DUSP14: variants seen among roughly 807,000 people sequenced by gnomAD.
The protein encoded by DUSP14 is dual specificity protein phosphatase 14.
A neutral mutation model predicts 13.2 loss-of-function variants in DUSP14; 5 were observed. The observed-to-expected ratio is 0.38, with a 90% CI of 0.20 to 0.80. The LOEUF (loss-of-function observed/expected upper bound fraction) is 0.80. Ranked by LOEUF, DUSP14 falls within the 30% of genes least tolerant of loss-of-function variation. DUSP14 has a pLI of 0.44. For missense variants in DUSP14, 185 were observed against 264.0 expected (o/e 0.70, Z 2.07); for synonymous variants, 91 against 103.4 (o/e 0.88, Z 0.73).
rs530063500 is a variant in DUSP14 at position 37,500,940 on chromosome 17, C to T, written c.-180-9737C>T. Among the ~76,000 whole-genome samples the T allele has an allele frequency of 6.3e-3, 966 of 152,164 alleles. 14 individuals carry two copies. The highest frequency in any genetic ancestry group is 0.022 in the African/African-American group (934 of 41,538). ...TTCTTGCTGCAGTTTCCCGCCCCCT[C>T]CCCGCCCCAGCCAGTGAAATGTACA... On this transcript the variant is annotated intron_variant, in intron 1 of 2. Transcript: ENST00000617516.
At chr17:37,500,603 C>G (rs2054098353) in intron 1 of DUSP14, among the ~76,000 whole-genome samples, 1 of 152,062 alleles carries the variant, frequency 6.6e-6, no homozygotes, top group African/African-American at 2.4e-5. Context: ...AGCACTTTGC[C>G]TCTAGATGTT....
Position 37,489,931 on chromosome 17 carries a change from G to C in DUSP14, c.-208G>C, listed in dbSNP as rs1166691200. 1.3e-5 allele frequency: 1 copy of C among 74,540 alleles called. No individual in the cohort carries two copies. The highest frequency in any genetic ancestry group is 6.1e-5 in the African/African-American group (1 of 16,296). 4.6% of individuals were successfully genotyped at this position (74,540 alleles called of 1,614,324 possible). A position where few individuals can be genotyped will look rare whatever the true frequency, so the allele number is the denominator to read the frequency against. On this transcript the variant is annotated 5_prime_UTR_variant, in exon 1 of 3. Coordinates refer to ENST00000617516, the MANE Select transcript of DUSP14 (RefSeq NM_007026.4). ...CGCGCAGGAGGACGGAGCCCTAACC[G>C]CAACCCGCTCCGCGCCGCGCCGCGC...
In DUSP14 at chr17:37,512,266, C is replaced by A. The variant is rs544160670; in HGVS notation, c.-7C>A. On this transcript the variant is annotated 5_prime_UTR_variant, in exon 3 of 3. Transcript: ENST00000617516. The surrounding 1 kb of genome is among the most constrained non-coding windows in gnomAD (Gnocchi z 4.8). ...CCAACGATGCAAGTGTGACTGCTGGCGTCTTCATGAGCTCCAGAGGTCACA... is the reference window on the plus strand; with the variant it reads ...CCAACGATGCAAGTGTGACTGCTGGAGTCTTCATGAGCTCCAGAGGTCACA... The A allele has an allele frequency of 6.3e-7, 1 of 1,584,110 alleles. No homozygotes were observed. Among genetic ancestry groups the A allele is most frequent in the Non-Finnish European group, 8.6e-7 (1 of 1,161,696 alleles).
At chr17:37,511,937 A>AGTTTTTTGTTTTTTTTTTTTTTTT (rs1329764853) in intron 2 of DUSP14, among the ~76,000 whole-genome samples, 2 of 16,442 alleles carry the variant, frequency 1.2e-4, no homozygotes, top group Non-Finnish European at 2.3e-4. Context: ...CCCCCACCCC[A>AGTTTTTTGTTTTTTTTTTTTTTTT]CTTTTTTTTT....
In DUSP14 at chr17:37,512,828, G is replaced by A. The variant is rs1568206718; in HGVS notation, c.556G>A (p.Glu186Lys). ...TPYGIVPDVY[E>K]KESRHLMPYW... ...TTATGGCATAGTTCCCGACGTCTAT[G>A]AGAAGGAGTCCCGACACCTGATGCC... Residue 186 changes from glutamate to lysine, a missense_variant, in exon 3 of 3, where the codon GAG (glutamate) becomes AAG (lysine). Transcript: ENST00000617516. This position sits in a 1 kb window ranked among gnomAD's most constrained non-coding sequence, Gnocchi z 4.8. 1 of 1,610,754 alleles carries A rather than the reference G, an allele frequency of 6.2e-7. No individual in the cohort carries two copies. Among genetic ancestry groups the A allele is most frequent in the Admixed American group, 1.7e-5 (1 of 59,974 alleles).
chr17:37,511,307 G>A (rs1022458901), intron 2 of DUSP14, among the ~76,000 whole-genome samples: 1 of 152,122 alleles, frequency 6.6e-6, no homozygotes, highest in African/African-American at 2.4e-5. Flanking sequence ...TTTGTTTTGA[G>A]ACAGAGTCTG....
chr17:37,512,643 C>G lies in DUSP14; in HGVS notation c.371C>G (p.Ala124Gly). Reference sequence around the variant, plus strand: ...AGCCGCTCAGCCACGCTGTGTATCGCGTACCTGATGAAATTCCACAACGTG... The same window carrying G: ...AGCCGCTCAGCCACGCTGTGTATCGGGTACCTGATGAAATTCCACAACGTG... ...GVSRSATLCI[A>G]YLMKFHNVCL... The change falls in exon 3 of 3, where the codon GCG (alanine) becomes GGG (glycine). Residue 124 changes from alanine to glycine, a missense_variant. Physicochemically the swap from Ala to Gly is moderately conservative, Grantham distance 60. Transcript: ENST00000617516. The surrounding 1 kb of genome is among the most constrained non-coding windows in gnomAD (Gnocchi z 4.8). 1.2e-6 allele frequency: 2 copies of G among 1,613,598 alleles called. No homozygotes were observed. Among genetic ancestry groups the G allele is most frequent in the South Asian group, 1.1e-5 (1 of 91,082 alleles).
At chr17:37,504,723 G>A (rs76016758) in intron 1 of DUSP14, among the ~76,000 whole-genome samples, 201 of 152,092 alleles carry the variant, frequency 1.3e-3, no homozygotes, top group East Asian at 7.7e-3. Flanking sequence ...GATTATAGGC[G>A]CATGAAACCA....
chr17:37,490,252 C>T (rs1443532247), intron 1 of DUSP14, among the ~76,000 whole-genome samples: 1 of 152,034 alleles, frequency 6.6e-6, no homozygotes, highest in East Asian at 1.9e-4. Flanking sequence ...GACCCTGTCC[C>T]TGTGCCCCGG....
At position 37,512,117 on chromosome 17, in the gene DUSP14, T is replaced by C. The variant is rs1485154721; in HGVS notation, c.-92-64T>C. ...CCCTCTAATCTTCCCATTTGACAAA[T>C]GTGACAGAAGGCTGTGATGAATCAG... On this transcript the variant is annotated intron_variant, in intron 2 of 2. Transcript: ENST00000617516. The surrounding 1 kb of genome is among the most constrained non-coding windows in gnomAD (Gnocchi z 4.8). 1 of 613,198 alleles carries C rather than the reference T, an allele frequency of 1.6e-6. No individual in the cohort carries two copies. The highest frequency in any genetic ancestry group is 2.8e-6 in the Non-Finnish European group (1 of 354,226). The allele number at this position is 613,198 out of a possible 1,614,324, so 38.0% of individuals were successfully genotyped here. A position where few individuals can be genotyped will look rare whatever the true frequency, so the allele number is the denominator to read the frequency against.
chr17:37,493,269 G>A (rs1400577622), intron 1 of DUSP14, among the ~76,000 whole-genome samples: 5 of 151,996 alleles, frequency 3.3e-5, no homozygotes, highest in Non-Finnish European at 7.4e-5. Context: ...AGCCCAGTTA[G>A]TACATTTTTG....
upstream of DUSP14, chr17:37,489,809 G>C (rs1415061553): frequency 6.8e-6 from 1 of 146,992 alleles, no homozygotes; most frequent in Non-Finnish European, 1.5e-5. Context: ...GGGAGAGGGC[G>C]GCCAGGCGCA....
chr17:37,489,468 C>G (rs1262964389), upstream of DUSP14, among the ~76,000 whole-genome samples: 1 of 152,152 alleles, frequency 6.6e-6, no homozygotes, highest in Non-Finnish European at 1.5e-5. Flanking sequence ...GAGGCCGTCC[C>G]GAGCCACCCG....
intron 1 of DUSP14, among the ~76,000 whole-genome samples, chr17:37,508,194 C>G (rs1209487525): frequency 6.6e-6 from 1 of 152,224 alleles, no homozygotes; most frequent in African/African-American, 2.4e-5. Context: ...TCTGTTAGCA[C>G]CAGTACACCT....
At chr17:37,509,270 T>C (rs1288394769) in intron 1 of DUSP14, among the ~76,000 whole-genome samples, 1 of 24,894 alleles carries the variant, frequency 4.0e-5, no homozygotes, top group African/African-American at 2.2e-4. Flanking sequence ...TATATATATA[T>C]ATATATATAT....
intron 1 of DUSP14, among the ~76,000 whole-genome samples, chr17:37,506,879 T>C (rs4794755): frequency 0.1 from 15,622 of 152,172 alleles, 940 homozygotes; most frequent in East Asian, 0.24. Context: ...GCTCGGCCCA[T>C]CTGGGCTTAG....
rs2054193666 is a variant in DUSP14 at position 37,512,218 on chromosome 17, A to G, written c.-55A>G. 1.7e-5 allele frequency: 25 copies of G among 1,480,282 alleles called. No individual in the cohort carries two copies. The highest frequency in any genetic ancestry group is 2.2e-5 in the Non-Finnish European group (24 of 1,098,970). 91.7% of individuals were successfully genotyped at this position (1,480,282 alleles called of 1,614,324 possible). A position where few individuals can be genotyped will look rare whatever the true frequency, so the allele number is the denominator to read the frequency against. ...AATTTTGGATTCCTTGGTGGAGGAA[A>G]ATAAAACACTCTGGTCTTGCCGCCA... is the stretch of plus-strand genomic sequence containing the variant. On this transcript the variant is annotated 5_prime_UTR_variant, in exon 3 of 3. Coordinates refer to ENST00000617516, the MANE Select transcript of DUSP14 (RefSeq NM_007026.4). This position sits in a 1 kb window ranked among gnomAD's most constrained non-coding sequence, Gnocchi z 4.8.
intron 1 of DUSP14, among the ~76,000 whole-genome samples, chr17:37,497,211 C>T (rs1214900771): frequency 6.6e-6 from 1 of 151,902 alleles, no homozygotes; most frequent in East Asian, 2.0e-4. Context: ...GGCACAATCT[C>T]AGCTCACTGC....
At chr17:37,488,743 C>T (rs570556292), upstream of DUSP14, among the ~76,000 whole-genome samples, 3 of 152,266 alleles carry the variant, frequency 2.0e-5, no homozygotes, top group Admixed American at 2.0e-4. Context: ...TAGTCCAGCA[C>T]GCACCGGATG....
Sources: gnomAD v4.1 joint callset for allele counts (sites outside exome capture counted in the v4.1 genomes callset) on GRCh38, gnomAD v4.1.1 for gene constraint, Gnocchi (gnomAD v3.1) non-coding constraint, MANE v1.5 for transcripts, NCBI Gene and HGNC (gene_info 2026-07-23, HGNC 2026-07-21) for gene names.